Variants in MSRA observed in about 807,000 individuals in gnomAD.
The protein encoded by MSRA is mitochondrial peptide methionine sulfoxide reductase.
MSRA carries 54 observed loss-of-function variants against 31.3 expected under a neutral mutation model. The ratio of observed to expected loss-of-function variants is 1.73; its 90% CI spans 1.39 to 2.17. MSRA has a LOEUF of 2.17. MSRA is among the 30% of genes most tolerant of loss of function. The pLI is 0.00. For missense variants in MSRA, 507 were observed against 300.9 expected (o/e 1.69, Z -5.07); for synonymous variants, 169 against 116.5 (o/e 1.45, Z -2.90).
intron 5 of MSRA, among the ~76,000 whole-genome samples, chr8:10,390,757 C>T (rs190240282): frequency 6.6e-6 from 1 of 152,182 alleles, no homozygotes; most frequent in Non-Finnish European, 1.5e-5. Flanking sequence ...AAGGCGAAGA[C>T]ATTAAGGATG....
At chr8:10,349,282 A>G (rs758112765) in intron 5 of MSRA, among the ~76,000 whole-genome samples, 55 of 152,232 alleles carry the variant, frequency 3.6e-4, no homozygotes, top group Non-Finnish European at 3.8e-4. Context: ...AACCATTTCA[A>G]ACAGTTTTAA....
chr8:10,410,433 G>T (rs1225251978), intron 5 of MSRA, among the ~76,000 whole-genome samples: 1 of 152,210 alleles, frequency 6.6e-6, no homozygotes, highest in Non-Finnish European at 1.5e-5. Flanking sequence ...AATTCCCACA[G>T]TGTGACATTC....
At chr8:10,258,699 T>C (rs923121953) in intron 3 of MSRA, among the ~76,000 whole-genome samples, 2 of 152,178 alleles carry the variant, frequency 1.3e-5, no homozygotes, top group African/African-American at 4.8e-5. Flanking sequence ...ATAGCTCCCT[T>C]CTCCCACGTG....
chr8:10,309,823 G>A (rs946763501), intron 4 of MSRA, among the ~76,000 whole-genome samples: 1 of 152,196 alleles, frequency 6.6e-6, no homozygotes, highest in African/African-American at 2.4e-5. Context: ...ACAAAGCCCT[G>A]CTCCAGGCGA....
At chr8:10,265,318 C>A (rs1305360842) in intron 3 of MSRA, among the ~76,000 whole-genome samples, 1 of 152,074 alleles carries the variant, frequency 6.6e-6, no homozygotes, top group Non-Finnish European at 1.5e-5. Flanking sequence ...CTTGGAAGAT[C>A]CTGGGGGGAG....
At chr8:10,414,808 T>C (rs142759872) in intron 5 of MSRA, among the ~76,000 whole-genome samples, 51 of 152,356 alleles carry the variant, frequency 3.3e-4, no homozygotes, top group African/African-American at 1.2e-3. Context: ...GTGTACTAAA[T>C]GCTAAGCATA....
intron 1 of MSRA, among the ~76,000 whole-genome samples, chr8:10,186,785 T>TTAGTC (rs1807095196): frequency 6.6e-6 from 1 of 152,196 alleles, no homozygotes; most frequent in Non-Finnish European, 1.5e-5. Context: ...TAACATAACG[T>TTAGTC]TAGTCCTGCC....
intron 1 of MSRA, among the ~76,000 whole-genome samples, chr8:10,109,434 C>T (rs1332159974): frequency 3.9e-5 from 6 of 151,930 alleles, no homozygotes; most frequent in African/African-American, 7.2e-5. Flanking sequence ...CTCCATCTCC[C>T]GGGCTCAAAC....
Position 10,113,775 on chromosome 8 carries a change from T to A in MSRA, c.142+59117T>A, listed in dbSNP as rs1337881386. On this transcript the variant is annotated intron_variant, in intron 1 of 5. Transcript: ENST00000317173. ...CCCAGGTATTTGCATTTTTTTTTTT[T>A]TTAAAAAAAAGATTATTAATTGTTT... Among the ~76,000 whole-genome samples the A allele has an allele frequency of 5.2e-4, 79 of 151,854 alleles. 1 individual carries two copies. Among genetic ancestry groups the A allele is most frequent in the African/African-American group, 1.5e-3 (62 of 41,420 alleles).
At chr8:10,057,459 T>G (rs1297351486) in intron 1 of MSRA, among the ~76,000 whole-genome samples, 1 of 152,238 alleles carries the variant, frequency 6.6e-6, no homozygotes, top group Non-Finnish European at 1.5e-5. Flanking sequence ...CCTTCCATTT[T>G]GTTAAGATGT....
chr8:10,403,321 C>T (rs145471708), intron 5 of MSRA, among the ~76,000 whole-genome samples: 4 of 152,274 alleles, frequency 2.6e-5, no homozygotes, highest in Admixed American at 6.5e-5. Context: ...ACCCAGCCAA[C>T]GAGAAAAAGC....
chr8:10,388,422 C>G (rs1187330945), intron 5 of MSRA, among the ~76,000 whole-genome samples: 1 of 152,232 alleles, frequency 6.6e-6, no homozygotes, highest in Non-Finnish European at 1.5e-5. Flanking sequence ...GGTAACTTCT[C>G]TGTTTTCAGA....
intron 1 of MSRA, among the ~76,000 whole-genome samples, chr8:10,120,039 C>A (rs56385888): frequency 4.6e-5 from 7 of 152,168 alleles, no homozygotes; most frequent in Non-Finnish European, 7.3e-5. Context: ...AGTAGAGGAA[C>A]TCAGCCACTG....
intron 1 of MSRA, among the ~76,000 whole-genome samples, chr8:10,139,898 C>G (rs1299571219): frequency 6.6e-6 from 1 of 152,092 alleles, no homozygotes; most frequent in Non-Finnish European, 1.5e-5. Context: ...TGTAAAGTGC[C>G]CATATTTTAT....
At chr8:10,423,593 C>A (rs1458319814) in intron 5 of MSRA, among the ~76,000 whole-genome samples, 1 of 152,162 alleles carries the variant, frequency 6.6e-6, no homozygotes, top group East Asian at 1.9e-4. Context: ...TGCTCCTGCA[C>A]CACCCCACTC....
chr8:10,291,730 C>T (rs570036085), intron 3 of MSRA, among the ~76,000 whole-genome samples: 18 of 151,986 alleles, frequency 1.2e-4, no homozygotes, highest in African/African-American at 2.9e-4. Flanking sequence ...TTTGGTTTAA[C>T]GGTTTGGATA....
In MSRA at chr8:10,404,045, T is replaced by C. The variant is rs1807637244; in HGVS notation, c.544-24103T>C. ...AAAGATTTCTCATTATATGTCATTATATATCATATTAACATAAAAGGCTTT... is the reference window on the plus strand; with the variant it reads ...AAAGATTTCTCATTATATGTCATTACATATCATATTAACATAAAAGGCTTT... On this transcript the variant is annotated intron_variant, in intron 5 of 5. Coordinates refer to ENST00000317173, the MANE Select transcript of MSRA (RefSeq NM_012331.5). Among the ~76,000 whole-genome samples, 2 of 152,248 alleles carry C rather than the reference T, an allele frequency of 1.3e-5. 1 individual carries two copies. Among genetic ancestry groups the C allele is most frequent in the South Asian group, 4.1e-4 (2 of 4,834 alleles).
At chr8:10,075,960 C>T (rs954436520) in intron 1 of MSRA, among the ~76,000 whole-genome samples, 2 of 152,152 alleles carry the variant, frequency 1.3e-5, no homozygotes, top group African/African-American at 4.8e-5. Context: ...GACCATACGT[C>T]GATGTCTGCC....
chr8:10,259,421 A>G (rs979075919), intron 3 of MSRA, among the ~76,000 whole-genome samples: 5 of 152,092 alleles, frequency 3.3e-5, no homozygotes, highest in Non-Finnish European at 7.4e-5. Flanking sequence ...CACTGCTCAT[A>G]ATTAGAGTCA....
Sources: gnomAD v4.1 joint callset for allele counts (sites outside exome capture counted in the v4.1 genomes callset) on GRCh38, gnomAD v4.1.1 for gene constraint, MANE v1.5 for transcripts, NCBI Gene and HGNC (gene_info 2026-07-23, HGNC 2026-07-21) for gene names.